MIAT: variants seen among roughly 807,000 people sequenced by gnomAD.
MIAT encodes the protein MI related novel mRNA.
chr22:26,655,994 G>A (rs1930429709), intron 2 of MIAT: 1 of 153,030 alleles, frequency 6.5e-6, no homozygotes, highest in South Asian at 2.1e-4. Context: ...AGCCTGAATT[G>A]TATTTTTCTT....
exon 4 of MIAT, chr22:26,665,588 C>G (rs1278131136): frequency 7.5e-6 from 3 of 398,876 alleles, no homozygotes; most frequent in Non-Finnish European, 1.3e-5. Context: ...TTCTTCAGGA[C>G]GTTCACAACC....
downstream of MIAT, chr22:26,670,401 A>G (rs968585022): frequency 5.0e-6 from 2 of 398,470 alleles, no homozygotes; most frequent in Non-Finnish European, 8.8e-6. Flanking sequence ...GGACAGTGCC[A>G]CAAAACAGTC....
chr22:26,668,926 C>T (rs1346940537), exon 6 of MIAT: 2 of 398,516 alleles, frequency 5.0e-6, no homozygotes. Context: ...AAGATTTAGG[C>T]TAGGGAAATT....
intron 2 of MIAT, among the ~76,000 whole-genome samples, chr22:26,660,422 T>A: frequency 1.5e-5 from 2 of 132,092 alleles, no homozygotes; most frequent in Admixed American, 8.7e-5. Context: ...AAGCAGAGAT[T>A]ACACCACCGT....
In MIAT at chr22:26,668,738, G is replaced by A. The variant is rs147689975; in HGVS notation, n.2843G>A. The A allele has an allele frequency of 1.2e-3, 488 of 399,246 alleles. 2 individuals are homozygous for A. The highest frequency in any genetic ancestry group is 9.0e-3 in the African/African-American group (440 of 48,752). 24.7% of individuals were successfully genotyped at this position (399,246 alleles called of 1,614,324 possible). On this transcript the variant is annotated non_coding_transcript_exon_variant, in exon 6 of 6. Coordinates refer to ENST00000643270, the Ensembl canonical transcript of MIAT. ...TTGCTCAGTGCGTAATTGTCATTTT[G>A]TGGGGGACTTCCTTGGTGGGGCTTT...
At chr22:26,648,533 G>A (rs1187773763) in intron 2 of MIAT, among the ~76,000 whole-genome samples, 2 of 150,186 alleles carry the variant, frequency 1.3e-5, no homozygotes, top group Non-Finnish European at 3.0e-5. Flanking sequence ...AGTGGTCCCT[G>A]GACTTTCATA....
chr22:26,667,229 C>T lies in MIAT; in HGVS notation n.2181C>T, dbSNP rs566001444. On this transcript the variant is annotated non_coding_transcript_exon_variant, in exon 5 of 6. Transcript: ENST00000643270. ...ACTTCTCTGAGCCAGATGCTGGGGACGCAGAGGTGAACCCAGAGACATGAT... is the reference window on the plus strand; with the variant it reads ...ACTTCTCTGAGCCAGATGCTGGGGATGCAGAGGTGAACCCAGAGACATGAT... 378 of 398,588 alleles carry T rather than the reference C, an allele frequency of 9.5e-4. 2 individuals carry two copies. The highest frequency in any genetic ancestry group is 4.4e-3 in the Middle Eastern group (7 of 1,588). 24.7% of individuals were successfully genotyped at this position (398,588 alleles called of 1,614,324 possible).
chr22:26,666,479 G>A (rs1023594752), exon 4 of MIAT: 59 of 398,548 alleles, frequency 1.5e-4, no homozygotes, highest in Non-Finnish European at 2.1e-4. Flanking sequence ...TTGAGTGAAT[G>A]TCAAGGCAGG....
At chr22:26,646,935 G>A (rs997927023) in exon 1 of MIAT, 1 of 398,602 alleles carries the variant, frequency 2.5e-6, no homozygotes, top group Admixed American at 4.4e-5. Context: ...AGATGAAGAC[G>A]GCATCATCAA....
intron 2 of MIAT, chr22:26,660,613 T>A (rs1930629990): frequency 6.6e-6 from 1 of 152,218 alleles, no homozygotes; most frequent in South Asian, 2.1e-4. Flanking sequence ...ATGGAGGAGA[T>A]AAGCATGGTC....
chr22:26,668,413 G>A (rs1930927599), exon 6 of MIAT: 1 of 398,808 alleles, frequency 2.5e-6, no homozygotes, highest in Non-Finnish European at 4.4e-6. Flanking sequence ...GTATGAGGGA[G>A]GCCTGGCAGC....
chr22:26,654,702 A>G (rs568364323), intron 2 of MIAT, among the ~76,000 whole-genome samples: 14 of 151,984 alleles, frequency 9.2e-5, no homozygotes, highest in Middle Eastern at 6.8e-3. Context: ...CAAAACATTT[A>G]TTTATTTATT....
exon 5 of MIAT, chr22:26,675,264 G>C (rs1931218039): frequency 2.5e-6 from 1 of 398,734 alleles, no homozygotes; most frequent in Non-Finnish European, 4.4e-6. Context: ...AGTTTCTGGG[G>C]ATCAGAGAGG....
At chr22:26,671,531 G>A (rs1484533677), downstream of MIAT, 3 of 398,490 alleles carry the variant, frequency 7.5e-6, no homozygotes, top group South Asian at 1.3e-4. Context: ...CCACCCCCCC[G>A]CAGCCAGATC....
downstream of MIAT, chr22:26,673,665 AGGTTT>A: frequency 4.7e-6 from 1 of 213,868 alleles, no homozygotes. Context: ...TGGCTAACAC[AGGTTT>A]GAACTTGGCT....
chr22:26,667,414 G>GTC (rs1930891683), intron 5 of MIAT: 1 of 177,408 alleles, frequency 5.6e-6, no homozygotes, highest in African/African-American at 3.1e-5. Flanking sequence ...GTGTGCGCGT[G>GTC]TATGTGTGTG....
intron 2 of MIAT, among the ~76,000 whole-genome samples, chr22:26,652,272 A>G (rs1284257809): frequency 1.3e-5 from 2 of 152,194 alleles, no homozygotes; most frequent in African/African-American, 2.4e-5. Context: ...TCAACCTGAC[A>G]AAGCGTTGGA....
At chr22:26,652,276 C>T (rs750748317) in intron 2 of MIAT, among the ~76,000 whole-genome samples, 2 of 152,176 alleles carry the variant, frequency 1.3e-5, no homozygotes, top group African/African-American at 2.4e-5. Context: ...CCTGACAAAG[C>T]GTTGGAATTA....
intron 2 of MIAT, among the ~76,000 whole-genome samples, chr22:26,652,505 C>T (rs1335974919): frequency 1.3e-5 from 2 of 152,074 alleles, no homozygotes; most frequent in East Asian, 3.9e-4. Context: ...TTACAGGCGC[C>T]GCCACCATGA....
Sources: allele counts gnomAD v4.1 joint callset (sites outside exome capture counted in the v4.1 genomes callset), GRCh38; gene constraint gnomAD v4.1.1; transcripts MANE v1.5; gene names NCBI Gene and HGNC (gene_info 2026-07-23, HGNC 2026-07-21).